GRIP1: variants seen among roughly 807,000 people sequenced by gnomAD.
The protein encoded by GRIP1 is glutamate receptor interacting protein 1.
A neutral mutation model predicts 129.9 loss-of-function variants in GRIP1; 45 were observed. The ratio of observed to expected loss-of-function variants is 0.35; its 90% CI spans 0.27 to 0.44. The LOEUF is 0.44. GRIP1 is among the 20% of genes least tolerant of loss of function. The probability of loss-of-function intolerance (pLI) is 1.00; values close to 1 mark genes in which losing one functional copy is unlikely to be tolerated. For missense variants in GRIP1, 1,196 were observed against 1,396.8 expected, an observed-to-expected ratio of 0.86 and a Z score of 2.29; for synonymous variants, 530 against 520.8, an observed-to-expected ratio of 1.02 and a Z score of -0.24.
intron 1 of GRIP1, among the ~76,000 whole-genome samples, chr12:66,740,943 A>AC (rs760489871): frequency 1.3e-5 from 2 of 152,208 alleles, no homozygotes; most frequent in Non-Finnish European, 2.9e-5. Flanking sequence ...TGATATGGGC[A>AC]CATATGCTTT....
At chr12:66,509,593 T>C (rs1489772174) in intron 7 of GRIP1, among the ~76,000 whole-genome samples, 1 of 152,198 alleles carries the variant, frequency 6.6e-6, no homozygotes, top group Non-Finnish European at 1.5e-5. Flanking sequence ...GTGATACATA[T>C]ACACTATAGA....
In GRIP1 at chr12:66,999,084, C is replaced by T. The variant is rs570180418; in HGVS notation, c.58+69966G>A. Among the ~76,000 whole-genome samples, 5 of 152,192 alleles carry T rather than the reference C, an allele frequency of 3.3e-5. No individual in the cohort carries two copies. The South Asian group carries it at 1.0e-3, about 32-fold the overall frequency. On this transcript the variant is annotated intron_variant, in intron 1 of 1. Transcript: ENST00000643019. ...ATTCTCTACCACATTCAGACATTTTCTTCATAACAATGATAACATCAGGAA... is the reference window on the plus strand; with the variant it reads ...ATTCTCTACCACATTCAGACATTTTTTTCATAACAATGATAACATCAGGAA...
intron 1 of GRIP1, among the ~76,000 whole-genome samples, chr12:66,836,544 T>G (rs1002699868): frequency 5.3e-5 from 8 of 151,868 alleles, no homozygotes; most frequent in African/African-American, 1.9e-4. Flanking sequence ...TTCACTAAAT[T>G]TAGAGAGAAA....
At chr12:66,419,260 GGA>G (rs565360555) in intron 15 of GRIP1, among the ~76,000 whole-genome samples, 1 of 151,790 alleles carries the variant, frequency 6.6e-6, no homozygotes, top group African/African-American at 2.4e-5. Flanking sequence ...CTGAACTCAT[GGA>G]GAGAGAGAGA....
intron 1 of GRIP1, among the ~76,000 whole-genome samples, chr12:67,065,647 G>A (rs574818193): frequency 6.6e-6 from 1 of 152,162 alleles, no homozygotes; most frequent in Admixed American, 6.5e-5. Context: ...ATCTTTCCAA[G>A]CATTATGGTT....
At chr12:66,415,722 C>T (rs1160056852) in intron 15 of GRIP1, among the ~76,000 whole-genome samples, 1 of 152,056 alleles carries the variant, frequency 6.6e-6, no homozygotes. Context: ...TATATACACA[C>T]AGAATACTAT....
intron 16 of GRIP1, among the ~76,000 whole-genome samples, chr12:66,395,360 C>T (rs1178904179): frequency 6.6e-6 from 1 of 152,190 alleles, no homozygotes. Context: ...GGTTCAGTGG[C>T]TACTTTAGCA....
intron 1 of GRIP1, among the ~76,000 whole-genome samples, chr12:66,637,743 T>C (rs2031539525): frequency 6.6e-6 from 1 of 152,156 alleles, no homozygotes; most frequent in Admixed American, 6.6e-5. Flanking sequence ...CTTGCTCAGC[T>C]CCGTTACACA....
chr12:66,735,732 G>A (rs2036574326), intron 1 of GRIP1, among the ~76,000 whole-genome samples: 1 of 152,106 alleles, frequency 6.6e-6, no homozygotes. Flanking sequence ...TGAGAAAATA[G>A]GCCAAATAAG....
chr12:66,443,297 A>AT (rs2058520577), intron 13 of GRIP1, among the ~76,000 whole-genome samples: 1 of 152,090 alleles, frequency 6.6e-6, no homozygotes, highest in Non-Finnish European at 1.5e-5. Context: ...CACCTTTGAT[A>AT]TTTAATCGAG....
chr12:66,922,529 A>C (rs1035271228), intron 1 of GRIP1, among the ~76,000 whole-genome samples: 3 of 152,224 alleles, frequency 2.0e-5, no homozygotes, highest in Non-Finnish European at 4.4e-5. Context: ...GTATTTATGA[A>C]ATATCCAGTC....
intron 1 of GRIP1, among the ~76,000 whole-genome samples, chr12:66,814,525 A>G (rs1445664361): frequency 6.6e-6 from 1 of 151,678 alleles, no homozygotes; most frequent in Non-Finnish European, 1.5e-5. Flanking sequence ...CCCTTTATTA[A>G]TTCAACAAAG....
chr12:66,513,266 T>G (rs116128671), intron 7 of GRIP1, among the ~76,000 whole-genome samples: 2,835 of 152,258 alleles, frequency 0.019, 85 homozygotes, highest in African/African-American at 0.065. Context: ...CAATATTCTC[T>G]GTCTTCAGAT....
rs775326192 is a variant in GRIP1 at position 66,676,477 on chromosome 12, T to G, written c.55+2373A>C. ...GGTAAGGTTTTAGCCACAAGAGGCCTAATAAAGCTCTTGAAGCATTTCCTA... is the reference window on the plus strand; with the variant it reads ...GGTAAGGTTTTAGCCACAAGAGGCCGAATAAAGCTCTTGAAGCATTTCCTA... On this transcript the variant is annotated intron_variant, in intron 1 of 24. Coordinates refer to ENST00000359742, the MANE Select transcript of GRIP1 (RefSeq NM_001366722.1). 4.8e-4 allele frequency among the ~76,000 whole-genome samples: 73 copies of G among 152,286 alleles called. 1 individual carries two copies. Among genetic ancestry groups the G allele is most frequent in the Non-Finnish European group, 7.1e-4 (48 of 68,022 alleles).
intron 1 of GRIP1, among the ~76,000 whole-genome samples, chr12:66,723,270 T>A: frequency 8.6e-5 from 1 of 11,618 alleles, no homozygotes; most frequent in African/African-American, 4.8e-4. Context: ...CTTCCTTCCT[T>A]CCTTCCTTCC....
In GRIP1 at chr12:66,465,338, G is replaced by A. The variant is rs1308604328; in HGVS notation, c.809C>T (p.Ser270Leu). ...AATGACTTGTTTGTTACAGCACATCGAGGTAGTTAGGGCAACCCCAAGGCT... is the reference window on the plus strand; with the variant it reads ...AATGACTTGTTTGTTACAGCACATCAAGGTAGTTAGGGCAACCCCAAGGCT... ...GASLGVALTT[S>L]MCCNKQVIVI... Residue 270 changes from serine (S) to leucine (L), a missense_variant, in exon 8 of 25, where the codon TCG becomes TTG. By Grantham distance (145) the Ser-to-Leu change is moderately radical (BLOSUM62 -2). Coordinates refer to ENST00000359742, the MANE Select transcript of GRIP1 (RefSeq NM_001366722.1). 2.5e-6 allele frequency: 4 copies of A among 1,613,642 alleles called. No individual in the cohort carries two copies. Among genetic ancestry groups the A allele is most frequent in the Non-Finnish European group, 1.7e-6 (2 of 1,179,534 alleles).
intron 5 of GRIP1, among the ~76,000 whole-genome samples, chr12:66,525,194 T>C (rs1592484832): frequency 6.6e-6 from 1 of 152,288 alleles, no homozygotes; most frequent in African/African-American, 2.4e-5. Context: ...GTTTGCATTA[T>C]CCTGATACCA....
Position 66,853,205 on chromosome 12 carries a change from C to T in GRIP1, c.58+215845G>A, listed in dbSNP as rs2039944309. On this transcript the variant is annotated intron_variant, in intron 1 of 1. Transcript: ENST00000643019. ...ACCAGGAAACGGAGATTTTAAATCCCTAAGTTGCATGGAGCTTGTGAACTT... is the reference window on the plus strand; with the variant it reads ...ACCAGGAAACGGAGATTTTAAATCCTTAAGTTGCATGGAGCTTGTGAACTT... Among the ~76,000 whole-genome samples, 2 of 151,618 alleles carry T rather than the reference C, an allele frequency of 1.3e-5. 1 individual carries two copies. Among genetic ancestry groups the T allele is most frequent in the South Asian group, 4.2e-4 (2 of 4,802 alleles).
At chr12:66,784,261 C>G (rs1367096730) in intron 1 of GRIP1, among the ~76,000 whole-genome samples, 1 of 152,146 alleles carries the variant, frequency 6.6e-6, no homozygotes, top group African/African-American at 2.4e-5. Context: ...GCAGACATCA[C>G]TAATTGATAG....
Sources: gnomAD v4.1 joint callset for allele counts (sites outside exome capture counted in the v4.1 genomes callset) on GRCh38, gnomAD v4.1.1 for gene constraint, MANE v1.5 for transcripts, NCBI Gene and HGNC (gene_info 2026-07-23, HGNC 2026-07-21) for gene names.